The following HERPUD2 variants were observed in gnomAD, a reference collection of about 807,000 sequenced individuals.
HERPUD2 encodes the protein HERPUD family member 2, also known as homocysteine-responsive endoplasmic reticulum-resident ubiquitin-like domain member 2 protein.
A neutral mutation model predicts 49.9 loss-of-function variants in HERPUD2; 13 were observed. That is an observed-to-expected ratio of 0.26 (90% CI 0.17 to 0.41). The LOEUF (loss-of-function observed/expected upper bound fraction) is 0.41, where lower values mean the gene tolerates loss of function less well. Among genes scored for constraint, HERPUD2 ranks in the 10% least tolerant of loss-of-function variants. The pLI, the probability that HERPUD2 is intolerant of heterozygous loss-of-function variation, is 1.00. For missense variants in HERPUD2, 449 were observed against 492.2 expected (o/e 0.91, Z 0.83); for synonymous variants, 172 against 171.4 (o/e 1.00, Z -0.03).
intron 6 of HERPUD2, among the ~76,000 whole-genome samples, chr7:35,637,137 A>AG (rs1481338012): frequency 1.2e-4 from 15 of 125,328 alleles, no homozygotes; most frequent in African/African-American, 2.8e-4. Context: ...TGTCTCAAAA[A>AG]AAAAGAAAGA....
intron 2 of HERPUD2, among the ~76,000 whole-genome samples, chr7:35,682,345 GTGTGTGTGTGTGTATATATATATA>G (rs1785925005): frequency 1.1e-4 from 3 of 28,220 alleles, no homozygotes; most frequent in Admixed American, 2.8e-4. Context: ...GTGTGTGTGT[GTGTGTGTGTGTGTATATATATATA>G]TATATATATA....
At chr7:35,646,470 G>C (rs1412542337) in intron 5 of HERPUD2, among the ~76,000 whole-genome samples, 2 of 152,112 alleles carry the variant, frequency 1.3e-5, no homozygotes, top group African/African-American at 2.4e-5. Flanking sequence ...GCTGAGGTGG[G>C]AGGATCAGTT....
chr7:35,658,099 C>A (rs1485150699), intron 5 of HERPUD2, among the ~76,000 whole-genome samples: 10 of 151,998 alleles, frequency 6.6e-5, no homozygotes, highest in Admixed American at 6.6e-4. Context: ...CATTAATGGG[C>A]AAATAAGAAA....
intron 5 of HERPUD2, among the ~76,000 whole-genome samples, chr7:35,657,763 A>G (rs1339632498): frequency 6.6e-6 from 1 of 151,434 alleles, no homozygotes; most frequent in Non-Finnish European, 1.5e-5. Context: ...ACAAAAAAAA[A>G]AAAAAATTAG....
chr7:35,666,168 T>C (rs1402240414), intron 5 of HERPUD2, among the ~76,000 whole-genome samples: 1 of 152,244 alleles, frequency 6.6e-6, no homozygotes, highest in Non-Finnish European at 1.5e-5. Context: ...CTGAGAACAC[T>C]GCTTTTTACA....
chr7:35,644,965 T>C (rs1296983705), intron 5 of HERPUD2, among the ~76,000 whole-genome samples: 2 of 152,124 alleles, frequency 1.3e-5, no homozygotes, highest in South Asian at 2.1e-4. Context: ...TTAAAGCCCA[T>C]AGCTACCATA....
chr7:35,652,244 C>A (rs767920381), intron 5 of HERPUD2, among the ~76,000 whole-genome samples: 1 of 152,316 alleles, frequency 6.6e-6, no homozygotes, highest in East Asian at 1.9e-4. Flanking sequence ...CCCACTGCAC[C>A]GTTTTGCAGC....
At position 35,674,888 on chromosome 7, in the gene HERPUD2, T is replaced by C. The variant is rs1785727226; in HGVS notation, c.148-1610A>G. On this transcript the variant is annotated intron_variant, in intron 2 of 8. Coordinates refer to ENST00000311350, the MANE Select transcript of HERPUD2 (RefSeq NM_022373.5). ...GCCCTTTCTCCAAGAACTCGTCCTA[T>C]GCATCTCTCTTCCATTTGTATCCTT... Among the ~76,000 whole-genome samples, 3 of 152,206 alleles carry C rather than the reference T, an allele frequency of 2.0e-5. No homozygotes were observed. In the South Asian group the frequency reaches 6.2e-4, roughly 32 times the overall value.
At chr7:35,676,452 C>T (rs1477894370) in intron 2 of HERPUD2, among the ~76,000 whole-genome samples, 1 of 152,154 alleles carries the variant, frequency 6.6e-6, no homozygotes, top group African/African-American at 2.4e-5. Flanking sequence ...TTAACATGAC[C>T]TCTGTCTCTA....
intron 5 of HERPUD2, among the ~76,000 whole-genome samples, chr7:35,652,179 T>C (rs1357297354): frequency 2.0e-5 from 3 of 152,194 alleles, no homozygotes; most frequent in South Asian, 2.1e-4. Context: ...TTAAAGCCTA[T>C]AAATGCTCCT....
At chr7:35,683,067 A>G (rs1224794915) in intron 2 of HERPUD2, among the ~76,000 whole-genome samples, 1 of 152,186 alleles carries the variant, frequency 6.6e-6, no homozygotes, top group Non-Finnish European at 1.5e-5. Context: ...TGTAGAAAAA[A>G]AAATTCTAAA....
intron 5 of HERPUD2, among the ~76,000 whole-genome samples, chr7:35,641,257 T>C (rs1358215388): frequency 6.6e-6 from 1 of 152,200 alleles, no homozygotes; most frequent in African/African-American, 2.4e-5. Flanking sequence ...AACTCTTTGA[T>C]TGCTAGTGGC....
At chr7:35,644,489 CA>C (rs1483464730) in intron 5 of HERPUD2, among the ~76,000 whole-genome samples, 2 of 152,154 alleles carry the variant, frequency 1.3e-5, no homozygotes, top group Admixed American at 1.3e-4. Flanking sequence ...ATCAACCTGC[CA>C]GGGGCAGTGG....
intron 5 of HERPUD2, among the ~76,000 whole-genome samples, chr7:35,652,335 C>G (rs1176794604): frequency 7.7e-6 from 1 of 130,534 alleles, no homozygotes; most frequent in East Asian, 2.8e-4. Context: ...GCAAGTTGAC[C>G]ACTTCCTGGT....
chr7:35,682,765 A>G (rs1257622900), intron 2 of HERPUD2, among the ~76,000 whole-genome samples: 1 of 151,946 alleles, frequency 6.6e-6, no homozygotes, highest in Non-Finnish European at 1.5e-5. Context: ...GCACTTTTAT[A>G]TACCAACAGC....
At position 35,633,819 on chromosome 7, in the gene HERPUD2, C is replaced by G; in HGVS notation, c.1092G>C (p.Glu364Asp). 6.2e-7 allele frequency: 1 copy of G among 1,613,998 alleles called. No homozygotes were observed. Among genetic ancestry groups the G allele is most frequent in the South Asian group, 1.1e-5 (1 of 91,072 alleles). The change falls in exon 9 of 9, where the codon GAG (glutamate) becomes GAC (aspartate). Residue 364 changes from glutamate (E) to aspartate (D), a missense_variant. By Grantham distance (45) the Glu-to-Asp change is conservative (BLOSUM62 2). Transcript: ENST00000311350. ...ERLMDDGLED[E>D]SGEDGGEDAS... Reference sequence around the variant, plus strand: ...CATCTTCACCTCCATCTTCTCCACTCTCATCTTCAAGCCCATCATCCATAA... The same window carrying G: ...CATCTTCACCTCCATCTTCTCCACTGTCATCTTCAAGCCCATCATCCATAA...
At chr7:35,664,420 A>T (rs1250757093) in intron 5 of HERPUD2, among the ~76,000 whole-genome samples, 1 of 152,074 alleles carries the variant, frequency 6.6e-6, no homozygotes, top group Non-Finnish European at 1.5e-5. Context: ...GTATTTCCTG[A>T]ATTTGAATGT....
intron 3 of HERPUD2, 45 bp from the exon 4 acceptor site, chr7:35,670,373 G>T: frequency 1.1e-6 from 1 of 926,034 alleles, no homozygotes; most frequent in Middle Eastern, 2.3e-4. Context: ...ACTACAAAAT[G>T]TACAGTTCAA....
At chr7:35,664,492 C>T (rs1785497226) in intron 5 of HERPUD2, among the ~76,000 whole-genome samples, 1 of 152,184 alleles carries the variant, frequency 6.6e-6, no homozygotes, top group Non-Finnish European at 1.5e-5. Flanking sequence ...TGCTTTCCAA[C>T]TTGGTTGCAT....
Sources: allele counts gnomAD v4.1 joint callset (sites outside exome capture counted in the v4.1 genomes callset), GRCh38; gene constraint gnomAD v4.1.1; transcripts MANE v1.5; gene names NCBI Gene and HGNC (gene_info 2026-07-23, HGNC 2026-07-21).